SH3BP4: variants seen among roughly 807,000 people sequenced by gnomAD.
The protein encoded by SH3BP4 is SH3 domain binding protein 4.
SH3BP4 carries 33 observed loss-of-function variants against 65.5 expected under a neutral mutation model. That is an observed-to-expected ratio of 0.50 (90% confidence interval 0.38 to 0.67). The LOEUF (loss-of-function observed/expected upper bound fraction) is 0.67. Ranked by LOEUF, SH3BP4 falls within the 30% of genes least tolerant of loss-of-function variation. The pLI, the probability that SH3BP4 is intolerant of heterozygous loss-of-function variation, is 0.00. For missense variants in SH3BP4, 1,134 were observed against 1,261.4 expected (o/e 0.90, Z 1.53); for synonymous variants, 552 against 545.5 (o/e 1.01, Z -0.17).
chr2:235,053,911 C>A lies in SH3BP4; in HGVS notation c.*95C>A. On this transcript the variant is annotated 3_prime_UTR_variant, in exon 6 of 6. Transcript: ENST00000392011. ...GCGGAGCTGAAGAGGGAGGAAGGGG[C>A]GGCTGCTCAGACAGATTTAGGGCCC... The A allele has an allele frequency of 9.8e-7, 1 of 1,017,928 alleles. No homozygotes were observed. The highest frequency in any genetic ancestry group is 1.4e-5 in the South Asian group (1 of 71,196). 63.1% of individuals were successfully genotyped at this position (1,017,928 alleles called of 1,614,324 possible).
intron 1 of SH3BP4, among the ~76,000 whole-genome samples, chr2:234,970,145 ACT>A (rs748865801): frequency 6.6e-6 from 1 of 151,608 alleles, no homozygotes; most frequent in Non-Finnish European, 1.5e-5. Context: ...ACACTCTCAC[ACT>A]CACTCACACT....
intron 2 of SH3BP4, among the ~76,000 whole-genome samples, chr2:235,023,423 C>G (rs1362442960): frequency 6.6e-6 from 1 of 152,046 alleles, no homozygotes; most frequent in East Asian, 1.9e-4. Context: ...TGGTGGAGAC[C>G]TGTAATCCCA....
intron 3 of SH3BP4, among the ~76,000 whole-genome samples, chr2:235,038,403 A>C (rs1392173730): frequency 2.9e-5 from 2 of 70,112 alleles, no homozygotes; most frequent in Non-Finnish European, 5.0e-5. Flanking sequence ...ATATATATAT[A>C]TATATATATA....
chr2:234,975,322 A>G (rs1343316205), intron 1 of SH3BP4, among the ~76,000 whole-genome samples: 1 of 152,054 alleles, frequency 6.6e-6, no homozygotes, highest in Non-Finnish European at 1.5e-5. Context: ...ACTCGTGGGG[A>G]AGCCAGGCCT....
intron 1 of SH3BP4, among the ~76,000 whole-genome samples, chr2:234,968,395 T>TC (rs1170571814): frequency 1.3e-5 from 2 of 150,688 alleles, no homozygotes; most frequent in East Asian, 1.9e-4. Context: ...TTTTTTTTTT[T>TC]CAAGTTGTTT....
rs1419705670 is a variant in SH3BP4, at chr2:234,977,888, C to T, written c.-206-17415C>T. On this transcript the variant is annotated intron_variant, in intron 1 of 5. Coordinates refer to ENST00000392011, the MANE Select transcript of SH3BP4 (RefSeq NM_014521.3). This position sits in a 1 kb window ranked among gnomAD's most constrained non-coding sequence, Gnocchi z 5.1. The stretch of plus-strand genomic sequence containing the variant: ...TAGTCTTAAGCAAGAAGGGTGTCAC[C>T]GAGGTTGTGTCCTGCAGCTGCTAGT... Among the ~76,000 whole-genome samples, 4 of 152,162 alleles carry T rather than the reference C, an allele frequency of 2.6e-5. No homozygotes were observed. Among genetic ancestry groups the T allele is most frequent in the African/African-American group, 7.2e-5 (3 of 41,442 alleles).
At chr2:235,051,580 C>T (rs76337071) in intron 4 of SH3BP4, among the ~76,000 whole-genome samples, 15,058 of 152,080 alleles carry the variant, frequency 0.099, 1,126 homozygotes, top group East Asian at 0.34. Context: ...GCAGCTTTGA[C>T]GTGGGAGCAG....
intron 2 of SH3BP4, among the ~76,000 whole-genome samples, chr2:235,008,746 T>C (rs1694381260): frequency 6.6e-6 from 1 of 152,202 alleles, no homozygotes; most frequent in Non-Finnish European, 1.5e-5. Context: ...CTAGGAAACC[T>C]GTTGGGTAGG....
At chr2:235,010,393 C>A (rs577774740) in intron 2 of SH3BP4, among the ~76,000 whole-genome samples, 1 of 152,212 alleles carries the variant, frequency 6.6e-6, no homozygotes, top group Admixed American at 6.5e-5. Context: ...CTACTCGGTC[C>A]AGCTGTTTGG....
intron 1 of SH3BP4, among the ~76,000 whole-genome samples, chr2:234,987,404 A>G (rs1693595750): frequency 6.6e-6 from 1 of 152,182 alleles, no homozygotes; most frequent in South Asian, 2.1e-4. Context: ...AGAAACCCAC[A>G]TGAACTTGAT....
Position 235,045,770 on chromosome 2 carries a change from C to T in SH3BP4, c.2478+2523C>T, listed in dbSNP as rs544287181. On this transcript the variant is annotated intron_variant, in intron 4 of 5. Coordinates refer to ENST00000392011, the MANE Select transcript of SH3BP4 (RefSeq NM_014521.3). The surrounding 1 kb of genome is among the most constrained non-coding windows in gnomAD (Gnocchi z 4.3). ...CCACGATTTCTGCGGCCTCTGCCAC[C>T]GCTTTACCTGCCCCTCCCAGAGAGT... Among the ~76,000 whole-genome samples the T allele has an allele frequency of 4.1e-4, 63 of 152,292 alleles. No homozygotes were observed. In the East Asian group the frequency reaches 7.7e-3, roughly 19 times the overall value.
At chr2:234,982,972 C>T (rs1207713629) in intron 1 of SH3BP4, among the ~76,000 whole-genome samples, 1 of 152,138 alleles carries the variant, frequency 6.6e-6, no homozygotes, top group Non-Finnish European at 1.5e-5. Context: ...CTGAGACCAG[C>T]GGGGAGGTGG....
intron 1 of SH3BP4, among the ~76,000 whole-genome samples, chr2:234,983,675 AATGTT>A (rs1693459242): frequency 6.6e-6 from 1 of 152,214 alleles, no homozygotes; most frequent in Non-Finnish European, 1.5e-5. Context: ...ATGGACCCTA[AATGTT>A]ATCACGGGTC....
Position 234,967,914 on chromosome 2 carries a change from G to A in SH3BP4, c.-207+15744G>A, listed in dbSNP as rs1297838388. ...TGTGGGGCTTCTCTGATTGGCCATT[G>A]TGTGTTCATCTAAGAGTTAGTGCAG... On this transcript the variant is annotated intron_variant, in intron 1 of 5. Coordinates refer to ENST00000392011, the MANE Select transcript of SH3BP4 (RefSeq NM_014521.3). This position sits in a 1 kb window ranked among gnomAD's most constrained non-coding sequence, Gnocchi z 4.6. Among the ~76,000 whole-genome samples the A allele has an allele frequency of 1.3e-5, 2 of 152,192 alleles. No homozygotes were observed. The highest frequency in any genetic ancestry group is 2.9e-5 in the Non-Finnish European group (2 of 68,032).
rs750018242 is a variant in SH3BP4, at chr2:235,042,818, C to T, written c.2049C>T (p.Ile683=). Residue 683 remains isoleucine (I), a synonymous_variant, in exon 4 of 6, where the codon ATC becomes ATT. Transcript: ENST00000392011. This position sits in a 1 kb window ranked among gnomAD's most constrained non-coding sequence, Gnocchi z 7.3. The part of the protein sequence containing the change: ...YLLEYKKGDG[I]ALLSEERVRL... ...TGGAGTACAAGAAGGGCGACGGGAT[C>T]GCCCTGCTCAGCGAGGAGCGGGTCA... The T allele has an allele frequency of 9.9e-6, 16 of 1,613,904 alleles. No individual in the cohort carries two copies. The African/African-American group carries it at 1.1e-4, about 11-fold the overall frequency.
rs1293095892 is a variant in SH3BP4, at chr2:235,035,086, A to G, written c.84A>G (p.Glu28=). Residue 28 remains glutamate (E), a synonymous_variant, in exon 3 of 6, where the codon GAA becomes GAG. Transcript: ENST00000392011. The surrounding 1 kb of genome is among the most constrained non-coding windows in gnomAD (Gnocchi z 5.0). The stretch of plus-strand genomic sequence containing the variant: ...AGGGGACCCTGATTGACCTGAGCGA[A>G]GGGTTTTCAGAGACGAGCTTTAATG... ...KSEGTLIDLS[E]GFSETSFNDI... is the part of the protein sequence containing the mutation. 1 of 1,614,008 alleles carries G rather than the reference A, an allele frequency of 6.2e-7. No individual in the cohort carries two copies. Among genetic ancestry groups the G allele is most frequent in the Non-Finnish European group, 8.5e-7 (1 of 1,179,980 alleles).
chr2:235,042,533 G>T lies in SH3BP4; in HGVS notation c.1764G>T (p.Thr588=), dbSNP rs760476502. Residue 588 remains threonine, a synonymous_variant, in exon 4 of 6, where the codon ACG becomes ACT. Coordinates refer to ENST00000392011, the MANE Select transcript of SH3BP4 (RefSeq NM_014521.3). This position sits in a 1 kb window ranked among gnomAD's most constrained non-coding sequence, Gnocchi z 7.3. ...ACCCCAACGAGCTCTCTGACTTCACGCTGCGGGTTCAGGTGAAGGACGACC... is the reference window on the plus strand; with the variant it reads ...ACCCCAACGAGCTCTCTGACTTCACTCTGCGGGTTCAGGTGAAGGACGACC... The part of the protein sequence containing the change: ...SQNPNELSDF[T]LRVQVKDDQE... 1 of 1,614,162 alleles carries T rather than the reference G, an allele frequency of 6.2e-7. No individual in the cohort carries two copies. Among genetic ancestry groups the T allele is most frequent in the African/African-American group, 1.3e-5 (1 of 75,062 alleles).
At chr2:235,005,324 G>A (rs929221157) in intron 2 of SH3BP4, among the ~76,000 whole-genome samples, 18 of 152,092 alleles carry the variant, frequency 1.2e-4, no homozygotes, top group Non-Finnish European at 1.5e-4. Flanking sequence ...TCTGGCTTGC[G>A]GTGGAGAGGG....
At position 234,952,450 on chromosome 2, in the gene SH3BP4, G is replaced by A. The variant is rs952513745; in HGVS notation, c.-207+280G>A. ...CCGGGGTTCCGGGCGCCGAGCCGCAGCCCTCCGCGTGCGCTCGGGCCGCCC... is the reference window on the plus strand; with the variant it reads ...CCGGGGTTCCGGGCGCCGAGCCGCAACCCTCCGCGTGCGCTCGGGCCGCCC... On this transcript the variant is annotated intron_variant, in intron 1 of 5. Coordinates refer to ENST00000392011, the MANE Select transcript of SH3BP4 (RefSeq NM_014521.3). The surrounding 1 kb of genome is among the most constrained non-coding windows in gnomAD (Gnocchi z 6.5). Among the ~76,000 whole-genome samples, 18 of 150,920 alleles carry A rather than the reference G, an allele frequency of 1.2e-4. No individual in the cohort carries two copies. Among genetic ancestry groups the A allele is most frequent in the African/African-American group, 4.4e-4 (18 of 41,250 alleles).
Sources: gnomAD v4.1 joint callset for allele counts (sites outside exome capture counted in the v4.1 genomes callset) on GRCh38, gnomAD v4.1.1 for gene constraint, Gnocchi (gnomAD v3.1) non-coding constraint, MANE v1.5 for transcripts, NCBI Gene and HGNC (gene_info 2026-07-23, HGNC 2026-07-21) for gene names.